CFAP47: variants seen among roughly 807,000 people sequenced by gnomAD.
The protein encoded by CFAP47 is cilia and flagella associated protein 47.
In CFAP47, 29 loss-of-function variants were observed where a neutral mutation model predicts 148.1. The observed-to-expected ratio is 0.20, with a 90% CI of 0.15 to 0.27. The LOEUF (loss-of-function observed/expected upper bound fraction) is 0.27. CFAP47 is among the 10% of genes least tolerant of loss of function. The pLI is 1.00. For missense variants in CFAP47, 1,872 were observed against 1,697.5 expected, an observed-to-expected ratio of 1.10 and a Z score of -1.81; for synonymous variants, 664 against 577.3, an observed-to-expected ratio of 1.15 and a Z score of -2.15.
rs776609955 is a variant in CFAP47 at position 36,092,636 on chromosome X, T to C, written c.4917-6157T>C. ...AACTTTTATTTTTTTTTTTTACTTT[T>C]TATTTTAAATTTTGGGGGTACATAG... On this transcript the variant is annotated intron_variant, in intron 30 of 63. Transcript: ENST00000378653. Among the ~76,000 whole-genome samples, 3 of 110,090 alleles carry C rather than the reference T, an allele frequency of 2.7e-5. No homozygotes were observed. In the South Asian group the frequency reaches 1.1e-3, roughly 42 times the overall value.
chrX:36,257,262 A>G (rs782548496), intron 49 of CFAP47, among the ~76,000 whole-genome samples: 1 of 111,806 alleles, frequency 8.9e-6, no homozygotes, highest in East Asian at 2.8e-4. Flanking sequence ...TGAAAGGACA[A>G]CAGAGAAAGG....
At chrX:36,305,634 C>T (rs1216624033) in intron 54 of CFAP47, among the ~76,000 whole-genome samples, 1 of 111,079 alleles carries the variant, frequency 9.0e-6, no homozygotes, top group African/African-American at 3.3e-5. Context: ...TAGGAGCACA[C>T]ATTAATTATA....
At chrX:36,376,458 C>T (rs1483894712) in intron 62 of CFAP47, among the ~76,000 whole-genome samples, 4 of 110,795 alleles carry the variant, frequency 3.6e-5, no homozygotes, top group Non-Finnish European at 7.6e-5. Context: ...CCTCACTCTC[C>T]TGTAAAGTCA....
intron 49 of CFAP47, among the ~76,000 whole-genome samples, chrX:36,268,570 AT>A (rs1463808739): frequency 3.0e-4 from 34 of 112,397 alleles, no homozygotes; most frequent in Middle Eastern, 4.6e-3. Flanking sequence ...TAGAGAAAGT[AT>A]TTTTCATTGA....
Position 35,975,228 on chromosome X carries a change from T to C in CFAP47, c.2336T>C (p.Met779Thr), listed in dbSNP as rs769098162. 10 of 1,193,190 alleles carry C rather than the reference T, an allele frequency of 8.4e-6. No individual in the cohort carries two copies. The African/African-American group carries it at 1.6e-4, about 19-fold the overall frequency. Residue 779 changes from methionine (M) to threonine (T), a missense_variant, in exon 14 of 64, where the codon ATG becomes ACG. Transcript: ENST00000378653. ...CTTCATGTTATTAATATGCTACCTA[T>C]GCATGTTTTGCTCCAGTTAGATACT... is the stretch of plus-strand genomic sequence containing the variant. Reference protein sequence around the residue: ...HLLHVINMLPMHVLLQLDTDL... With the variant: ...HLLHVINMLPTHVLLQLDTDL...
At chrX:36,261,952 G>T (rs1291840842) in intron 49 of CFAP47, among the ~76,000 whole-genome samples, 2 of 109,761 alleles carry the variant, frequency 1.8e-5, no homozygotes, top group Non-Finnish European at 3.8e-5. Context: ...CCGGGCGGGG[G>T]CTGACCCCCC....
chrX:36,038,698 C>T (rs1601942902), intron 24 of CFAP47, among the ~76,000 whole-genome samples: 1 of 112,236 alleles, frequency 8.9e-6, no homozygotes, highest in African/African-American at 3.2e-5. Context: ...TTCAATTGCA[C>T]TGCTTTCCCA....
intron 44 of CFAP47, among the ~76,000 whole-genome samples, chrX:36,201,811 C>T (rs1183635774): frequency 3.6e-5 from 4 of 110,107 alleles, no homozygotes; most frequent in Non-Finnish European, 5.7e-5. Context: ...TACCCAGGCC[C>T]CACTCAAGAA....
chrX:36,121,109 A>G (rs985646511), intron 33 of CFAP47, among the ~76,000 whole-genome samples: 1 of 111,811 alleles, frequency 8.9e-6, no homozygotes, highest in African/African-American at 3.2e-5. Flanking sequence ...TTATCATTAT[A>G]TAGTGACCTT....
At chrX:36,215,864 A>G (rs929713983) in intron 45 of CFAP47, among the ~76,000 whole-genome samples, 9 of 111,816 alleles carry the variant, frequency 8.0e-5, no homozygotes, top group Non-Finnish European at 1.7e-4. Context: ...CCTTTGAGCC[A>G]GATGGCCCTC....
intron 57 of CFAP47, among the ~76,000 whole-genome samples, chrX:36,346,229 T>G (rs7886433): frequency 0.13 from 14,068 of 109,507 alleles, 730 homozygotes; most frequent in East Asian, 0.26. Context: ...GTGTGTGTGT[T>G]TTTTTTTAAA....
At chrX:36,249,392 C>A (rs1041935291) in intron 48 of CFAP47, among the ~76,000 whole-genome samples, 1 of 110,298 alleles carries the variant, frequency 9.1e-6, no homozygotes, top group African/African-American at 3.3e-5. Flanking sequence ...ACTAAGAAAA[C>A]CTGTATGCCC....
chrX:36,164,363 G>A (rs1939465205), intron 39 of CFAP47, among the ~76,000 whole-genome samples: 1 of 111,140 alleles, frequency 9.0e-6, no homozygotes. Context: ...CTAAAATTCA[G>A]TGAATATATA....
intron 32 of CFAP47, 60 bp from the exon 33 acceptor site, chrX:36,104,439 A>G: frequency 2.2e-6 from 1 of 446,013 alleles, no homozygotes; most frequent in Admixed American, 4.1e-5. Context: ...TTTTCTCTTC[A>G]AATATTAATT....
intron 40 of CFAP47, among the ~76,000 whole-genome samples, chrX:36,184,228 G>T (rs998353947): frequency 9.0e-6 from 1 of 111,642 alleles, no homozygotes; most frequent in Non-Finnish European, 1.9e-5. Flanking sequence ...AAGTATTTTG[G>T]TATTTTCTCT....
intron 48 of CFAP47, among the ~76,000 whole-genome samples, chrX:36,249,001 A>C (rs1940658909): frequency 9.0e-6 from 1 of 110,504 alleles, no homozygotes; most frequent in Non-Finnish European, 1.9e-5. Context: ...AAATGAAGAC[A>C]TAATTGACCA....
chrX:36,113,389 C>T (rs755003406), intron 33 of CFAP47, among the ~76,000 whole-genome samples: 1 of 111,627 alleles, frequency 9.0e-6, no homozygotes, highest in Non-Finnish European at 1.9e-5. Context: ...AGAATTTCTT[C>T]TCTTTATGAA....
intron 49 of CFAP47, among the ~76,000 whole-genome samples, chrX:36,258,800 A>G (rs1555999516): frequency 8.9e-6 from 1 of 112,188 alleles, no homozygotes; most frequent in Admixed American, 9.4e-5. Flanking sequence ...ACGGAAATGC[A>G]ATATAAATAC....
intron 49 of CFAP47, among the ~76,000 whole-genome samples, chrX:36,274,027 G>T (rs782372543): frequency 9.0e-6 from 1 of 111,681 alleles, no homozygotes; most frequent in African/African-American, 3.2e-5. Flanking sequence ...ACACATAATT[G>T]CTTCTGTAGT....
Sources: gnomAD v4.1 joint callset for allele counts (sites outside exome capture counted in the v4.1 genomes callset) on GRCh38, gnomAD v4.1.1 for gene constraint, MANE v1.5 for transcripts, NCBI Gene and HGNC (gene_info 2026-07-23, HGNC 2026-07-21) for gene names.